The following TLN2 variants were observed in gnomAD, a reference collection of about 807,000 sequenced individuals.
TLN2 encodes talin 2, also known as talin-2.
In TLN2, 118 loss-of-function variants were observed where a neutral mutation model predicts 294.7. The ratio of observed to expected loss-of-function variants is 0.40; its 90% CI spans 0.34 to 0.47. The LOEUF (loss-of-function observed/expected upper bound fraction) is 0.47, where lower values mean the gene tolerates loss of function less well. Among genes scored for constraint, TLN2 ranks in the 20% least tolerant of loss-of-function variants. The probability of loss-of-function intolerance (pLI) is 0.84; values close to 1 mark genes in which losing one functional copy is unlikely to be tolerated. For missense variants in TLN2, 3,083 were observed against 3,282.2 expected, an observed-to-expected ratio of 0.94 and a Z score of 1.48; for synonymous variants, 1,431 against 1,304.5, an observed-to-expected ratio of 1.10 and a Z score of -2.09.
At chr15:62,607,914 G>A (rs939270283) in intron 2 of TLN2, among the ~76,000 whole-genome samples, 1 of 152,174 alleles carries the variant, frequency 6.6e-6, no homozygotes, top group Non-Finnish European at 1.5e-5. Context: ...GTGAACAAGT[G>A]TTTCCCTTCT....
At chr15:62,436,976 G>A (rs1333812251) in intron 1 of TLN2, among the ~76,000 whole-genome samples, 2 of 152,124 alleles carry the variant, frequency 1.3e-5, no homozygotes, top group Non-Finnish European at 2.9e-5. Flanking sequence ...TGATCCTCCC[G>A]CCTTGGCCTC....
rs531283552 is a variant in TLN2, at chr15:62,792,677, G to C, written c.5773G>C (p.Gly1925Arg). ...GATTCGCACTCGTGTGCAGGACCTG[G>C]GCCACGGCTGTATCTTCCTGGTGCA... ...FQIRTRVQDL[G>R]HGCIFLVQKA... is the part of the protein sequence containing the mutation. Residue 1925 changes from glycine to arginine, a missense_variant, in exon 46 of 59, where the codon GGC becomes CGC. Gly to Arg is a moderately radical substitution (Grantham distance 125). Transcript: ENST00000636159. 1.2e-6 allele frequency: 2 copies of C among 1,613,888 alleles called. No homozygotes were observed. The highest frequency in any genetic ancestry group is 1.3e-5 in the African/African-American group (1 of 75,050).
Position 62,835,984 on chromosome 15 carries a change from G to A in TLN2, c.7285G>A (p.Ala2429Thr), listed in dbSNP as rs768022645. The A allele has an allele frequency of 1.7e-5, 27 of 1,614,008 alleles. No individual in the cohort carries two copies. The highest frequency in any genetic ancestry group is 2.1e-5 in the Non-Finnish European group (25 of 1,179,958). ...HASEEKLISS[A>T]KQVAASTAQL... ...CAGCGAGGAGAAGCTCATCTCATCT[G>A]CCAAGCAGGTCGCCGCTTCCACGGC... Residue 2429 changes from alanine to threonine, a missense_variant, in exon 57 of 59, where the codon GCC (alanine) becomes ACC (threonine). Transcript: ENST00000636159.
chr15:62,801,976 TTA>T (rs952987753), intron 50 of TLN2, among the ~76,000 whole-genome samples: 24 of 152,218 alleles, frequency 1.6e-4, no homozygotes, highest in Admixed American at 3.9e-4. Context: ...TTATACTCTT[TTA>T]GTTATTTTTA....
At chr15:62,493,941 TCTC>T (rs1433587188) in intron 1 of TLN2, among the ~76,000 whole-genome samples, 1 of 152,054 alleles carries the variant, frequency 6.6e-6, no homozygotes, top group Non-Finnish European at 1.5e-5. Flanking sequence ...TAAATAACAA[TCTC>T]CTTGTCTCAG....
At chr15:62,481,293 G>T (rs2140384026) in intron 1 of TLN2, among the ~76,000 whole-genome samples, 1 of 151,592 alleles carries the variant, frequency 6.6e-6, no homozygotes, top group East Asian at 1.9e-4. Flanking sequence ...AACCACATTT[G>T]CTTTTTGTGA....
At position 62,835,808 on chromosome 15, in the gene TLN2, C is replaced by T. The variant is rs773498297; in HGVS notation, c.7191+9C>T. 1.2e-6 allele frequency: 2 copies of T among 1,614,198 alleles called. No homozygotes were observed. Among genetic ancestry groups the T allele is most frequent in the Admixed American group, 1.7e-5 (1 of 60,026 alleles). ...AGGGGCTGATTTCTGCTGTGAGTTG[C>T]CTTCTCCTTCCTCCCAGTTTGCTTT... On this transcript the variant is annotated intron_variant, in intron 56 of 58. Transcript: ENST00000636159.
At chr15:62,665,742 C>T (rs964003469) in intron 9 of TLN2, among the ~76,000 whole-genome samples, 1 of 152,130 alleles carries the variant, frequency 6.6e-6, no homozygotes, top group South Asian at 2.1e-4. Context: ...AGCTTTTGAC[C>T]CAGTAGGAGG....
At chr15:62,829,459 A>G (rs1441936514) in intron 54 of TLN2, 2 of 152,122 alleles carry the variant, frequency 1.3e-5, no homozygotes, top group African/African-American at 4.8e-5. Context: ...AGCACAGGAA[A>G]GACCTGCCCC....
At chr15:62,594,486 A>G (rs560439298) in intron 2 of TLN2, among the ~76,000 whole-genome samples, 1 of 152,256 alleles carries the variant, frequency 6.6e-6, no homozygotes, top group South Asian at 2.1e-4. Context: ...GGGATTACAG[A>G]CGTAGCCACC....
intron 33 of TLN2, among the ~76,000 whole-genome samples, chr15:62,749,345 C>CG (rs1281921386): frequency 6.6e-6 from 1 of 152,242 alleles, no homozygotes; most frequent in African/African-American, 2.4e-5. Context: ...GGCTGAATTA[C>CG]TACCCTATTC....
intron 45 of TLN2, among the ~76,000 whole-genome samples, chr15:62,788,188 G>T (rs1358337415): frequency 6.6e-6 from 1 of 151,678 alleles, no homozygotes; most frequent in Non-Finnish European, 1.5e-5. Flanking sequence ...GGGGGTGCCT[G>T]TAATCTCAGC....
intron 33 of TLN2, among the ~76,000 whole-genome samples, chr15:62,748,993 T>C (rs1327848006): frequency 1.3e-5 from 2 of 152,258 alleles, no homozygotes; most frequent in Admixed American, 6.5e-5. Context: ...TTTCATTTTA[T>C]ATTCATACTC....
chr15:62,591,842 G>A (rs2046101828), intron 2 of TLN2, among the ~76,000 whole-genome samples: 1 of 152,150 alleles, frequency 6.6e-6, no homozygotes, highest in African/African-American at 2.4e-5. Context: ...TGCTCAGGAT[G>A]GAGAAGAGCT....
intron 27 of TLN2, 127 bp from the exon 28 acceptor site, chr15:62,726,960 T>C: frequency 2.1e-6 from 2 of 936,106 alleles, no homozygotes; most frequent in South Asian, 3.3e-5. Context: ...CTGCTGCGGC[T>C]TAGTGCCATT....
At chr15:62,635,358 C>T (rs2050273633) in intron 3 of TLN2, among the ~76,000 whole-genome samples, 1 of 151,926 alleles carries the variant, frequency 6.6e-6, no homozygotes, top group Admixed American at 6.6e-5. Flanking sequence ...AGCTGATATA[C>T]CCAAAAAGAT....
At chr15:62,447,843 T>A (rs1012466208) in intron 1 of TLN2, among the ~76,000 whole-genome samples, 2 of 152,164 alleles carry the variant, frequency 1.3e-5, no homozygotes, top group African/African-American at 4.8e-5. Context: ...CCCGCCCCAC[T>A]CACTCTTGTG....
Position 62,796,203 on chromosome 15 carries a change from C to A in TLN2, c.5960C>A (p.Ser1987Tyr). 1 of 1,614,266 alleles carries A rather than the reference C, an allele frequency of 6.2e-7. No individual in the cohort carries two copies. ...QACITAATAV[S>Y]GIIADLDTTI... ...TGCATTACAGCCGCCACCGCTGTGT[C>A]TGGGATCATTGCCGACCTGGACACC... The change falls in exon 47 of 59, where the codon TCT (serine) becomes TAT (tyrosine). Residue 1987 changes from serine to tyrosine, a missense_variant. By Grantham distance (144) the Ser-to-Tyr change is moderately radical. Transcript: ENST00000636159.
intron 28 of TLN2, among the ~76,000 whole-genome samples, 156 bp from the exon 29 acceptor site, chr15:62,736,722 C>T (rs1335647710): frequency 6.6e-6 from 1 of 152,146 alleles, no homozygotes; most frequent in East Asian, 1.9e-4. Context: ...TTTCTGAAGC[C>T]AGCTACTTCT....
Sources: allele counts gnomAD v4.1 joint callset (sites outside exome capture counted in the v4.1 genomes callset), GRCh38; gene constraint gnomAD v4.1.1; transcripts MANE v1.5; gene names NCBI Gene and HGNC (gene_info 2026-07-23, HGNC 2026-07-21).